The following TRIO variants were observed in gnomAD, a reference collection of about 807,000 sequenced individuals.
TRIO encodes the protein trio Rho guanine nucleotide exchange factor, also known as triple functional domain protein.
In TRIO, 58 loss-of-function variants were observed where a neutral mutation model predicts 351.9. That is an observed-to-expected ratio of 0.16 (90% CI 0.13 to 0.21). The LOEUF (loss-of-function observed/expected upper bound fraction) is 0.21, where lower values mean the gene tolerates loss of function less well. TRIO is among the 10% of genes least tolerant of loss of function. The pLI, the probability that TRIO is intolerant of heterozygous loss-of-function variation, is 1.00. For missense variants in TRIO, 3,201 were observed against 4,027.8 expected (o/e 0.79, Z 5.56); for synonymous variants, 1,758 against 1,595.7 (o/e 1.10, Z -2.42).
chr5:14,316,584 G>A lies in TRIO; in HGVS notation c.1572G>A (p.Leu524=). Residue 524 remains leucine, a synonymous_variant, in exon 9 of 57, where the codon CTG becomes CTA. Coordinates refer to ENST00000344204, the MANE Select transcript of TRIO (RefSeq NM_007118.4). ...RPLTPGSSDS[L]TASANYSKAV... ...TGACTCCCGGCAGCTCCGATTCCCTGACAGCCTCTGCCAACTACTCCAAGG... is the reference window on the plus strand; with the variant it reads ...TGACTCCCGGCAGCTCCGATTCCCTAACAGCCTCTGCCAACTACTCCAAGG... The A allele has an allele frequency of 6.2e-7, 1 of 1,614,184 alleles. No homozygotes were observed. Among genetic ancestry groups the A allele is most frequent in the Middle Eastern group, 1.7e-4 (1 of 6,060 alleles).
chr5:14,221,422 C>T (rs1387238349), intron 1 of TRIO, among the ~76,000 whole-genome samples: 1 of 152,172 alleles, frequency 6.6e-6, no homozygotes, highest in African/African-American at 2.4e-5. Flanking sequence ...AAGGCTGTAG[C>T]TGCCATAGAT....
intron 1 of TRIO, among the ~76,000 whole-genome samples, chr5:14,224,909 A>G (rs1792888587): frequency 6.6e-6 from 1 of 152,130 alleles, no homozygotes; most frequent in South Asian, 2.1e-4. Flanking sequence ...TGTTTTTAGT[A>G]TCACATGTAA....
chr5:14,491,547 A>G (rs916095224), intron 48 of TRIO, among the ~76,000 whole-genome samples: 5 of 152,178 alleles, frequency 3.3e-5, no homozygotes, highest in African/African-American at 1.2e-4. Flanking sequence ...CTCCACCCAG[A>G]ACCATAGGCC....
intron 1 of TRIO, among the ~76,000 whole-genome samples, chr5:14,212,471 C>T (rs1003587557): frequency 2.0e-5 from 3 of 152,162 alleles, no homozygotes; most frequent in Admixed American, 2.0e-4. Flanking sequence ...CTCAAACGTG[C>T]AGATGCTGCT....
intron 16 of TRIO, among the ~76,000 whole-genome samples, chr5:14,368,175 A>T (rs1460759597): frequency 6.6e-6 from 1 of 152,244 alleles, no homozygotes; most frequent in Non-Finnish European, 1.5e-5. Flanking sequence ...ATCAGATGGC[A>T]TGGACCTCCA....
chr5:14,268,337 C>CA (rs1340698159), intron 1 of TRIO, among the ~76,000 whole-genome samples: 2 of 152,220 alleles, frequency 1.3e-5, no homozygotes, highest in Admixed American at 6.5e-5. Context: ...AGGTGTGATT[C>CA]AGAAAGTTAG....
At position 14,377,936 on chromosome 5, in the gene TRIO, T is replaced by G. The variant is rs145289272; in HGVS notation, c.3332-76T>G. 3,287 of 1,154,614 alleles carry G rather than the reference T, an allele frequency of 2.8e-3. 75 individuals carry two copies. In the African/African-American group the frequency reaches 0.044, roughly 15 times the overall value. The allele number at this position is 1,154,614 out of a possible 1,614,324, so 71.5% of individuals were successfully genotyped here. On this transcript the variant is annotated intron_variant, in intron 19 of 56. Coordinates refer to ENST00000344204, the MANE Select transcript of TRIO (RefSeq NM_007118.4). ...AATGGCATTTGCATAAAAGTCTAAATAAAAATGAATGGAATTTCGCGGTTG... is the reference window on the plus strand; with the variant it reads ...AATGGCATTTGCATAAAAGTCTAAAGAAAAATGAATGGAATTTCGCGGTTG...
At chr5:14,190,002 G>T (rs146657450) in intron 1 of TRIO, among the ~76,000 whole-genome samples, 2 of 152,304 alleles carry the variant, frequency 1.3e-5, no homozygotes, top group African/African-American at 4.8e-5. Flanking sequence ...GATTACAGGT[G>T]TGAGCTACCA....
At chr5:14,232,491 G>C (rs1479856758) in intron 1 of TRIO, among the ~76,000 whole-genome samples, 1 of 152,190 alleles carries the variant, frequency 6.6e-6, no homozygotes, top group Non-Finnish European at 1.5e-5. Flanking sequence ...TTGTTGCTCT[G>C]TTTGTCTGGT....
intron 8 of TRIO, among the ~76,000 whole-genome samples, chr5:14,308,003 A>G (rs906400573): frequency 6.6e-6 from 1 of 152,066 alleles, no homozygotes; most frequent in African/African-American, 2.4e-5. Context: ...TCTTTTTGAT[A>G]TGTCCTTATT....
At chr5:14,390,191 A>G in intron 25 of TRIO, 40 bp from the exon 26 acceptor site, 1 of 1,597,172 alleles carries the variant, frequency 6.3e-7, no homozygotes, top group Non-Finnish European at 8.5e-7. Flanking sequence ...AAATGTTTTA[A>G]AACACCTTTG....
chr5:14,493,869 C>T (rs1434101591), intron 49 of TRIO, among the ~76,000 whole-genome samples: 2 of 152,198 alleles, frequency 1.3e-5, no homozygotes, highest in African/African-American at 4.8e-5. Context: ...TTTGCTGAGA[C>T]AGAGAAAGTT....
intron 2 of TRIO, among the ~76,000 whole-genome samples, chr5:14,274,582 C>T (rs775433490): frequency 2.6e-5 from 4 of 151,820 alleles, no homozygotes; most frequent in Admixed American, 6.6e-5. Flanking sequence ...TTGGATATCC[C>T]GTAAAGAGAG....
intron 1 of TRIO, among the ~76,000 whole-genome samples, chr5:14,250,289 A>C (rs1315053680): frequency 5.9e-5 from 9 of 152,180 alleles, no homozygotes; most frequent in Admixed American, 2.0e-4. Flanking sequence ...CGCTGCCAGC[A>C]GTTTATCGGC....
At chr5:14,214,172 T>G (rs1792084979) in intron 1 of TRIO, among the ~76,000 whole-genome samples, 1 of 152,170 alleles carries the variant, frequency 6.6e-6, no homozygotes, top group Non-Finnish European at 1.5e-5. Flanking sequence ...GGTGGAAACC[T>G]AGAGAAGGGC....
At chr5:14,395,586 T>C (rs935938057) in intron 28 of TRIO, among the ~76,000 whole-genome samples, 7 of 152,168 alleles carry the variant, frequency 4.6e-5, no homozygotes, top group African/African-American at 1.7e-4. Flanking sequence ...GCCATGCTGC[T>C]TAGAATCACA....
chr5:14,316,670 A>G lies in TRIO; in HGVS notation c.1658A>G (p.Asn553Ser). 1.9e-6 allele frequency: 3 copies of G among 1,614,216 alleles called. No individual in the cohort carries two copies. The highest frequency in any genetic ancestry group is 2.5e-6 in the Non-Finnish European group (3 of 1,180,034). The change falls in exon 9 of 57, where the codon AAC becomes AGC. Residue 553 changes from asparagine (N) to serine (S), a missense_variant. This residue lies in a region of TRIO where 349 missense variants were observed against 449.3 expected (regional missense o/e 0.78). Transcript: ENST00000344204. Reference sequence around the variant, plus strand: ...CTGCACCACCAGCGGCAGCTGGAGAACATCTGGCAACACCGCAAGGTCCGG... The same window carrying G: ...CTGCACCACCAGCGGCAGCTGGAGAGCATCTGGCAACACCGCAAGGTCCGG... Reference protein sequence around the residue: ...EVLHHQRQLENIWQHRKVRLH... With the variant: ...EVLHHQRQLESIWQHRKVRLH...
chr5:14,163,396 A>G (rs1368441480), intron 1 of TRIO, among the ~76,000 whole-genome samples: 2 of 152,092 alleles, frequency 1.3e-5, no homozygotes, highest in South Asian at 2.1e-4. Flanking sequence ...TAAATTTTGT[A>G]TTTTTAGTAG....
At position 14,392,317 on chromosome 5, in the gene TRIO, A is replaced by T. The variant is rs144397499; in HGVS notation, c.4218+1327A>T. ...TCAAAAGAAGACATTTATGCAGCCA[A>T]CAAACATATGAAAAACTCATCATCA... On this transcript the variant is annotated intron_variant, in intron 27 of 56. Transcript: ENST00000344204. Among the ~76,000 whole-genome samples the T allele has an allele frequency of 1.1e-3, 165 of 152,362 alleles. 2 individuals are homozygous for T. Among genetic ancestry groups the T allele is most frequent in the African/African-American group, 3.8e-3 (156 of 41,592 alleles).
Sources: gnomAD v4.1 joint callset for allele counts (sites outside exome capture counted in the v4.1 genomes callset) on GRCh38, gnomAD v4.1.1 for gene constraint, gnomAD v4.1.1 regional missense constraint, MANE v1.5 for transcripts, NCBI Gene and HGNC (gene_info 2026-07-23, HGNC 2026-07-21) for gene names.